The following ADRA1B variants were observed in gnomAD, a reference collection of about 807,000 sequenced individuals.
ADRA1B encodes alpha-1B adrenergic receptor.
Under a neutral mutation model 17.9 loss-of-function variants are expected in ADRA1B, and 17 were observed. The ratio of observed to expected loss-of-function variants is 0.95; its 90% CI spans 0.65 to 1.42. The LOEUF is 1.42. ADRA1B is among the 40% of genes most tolerant of loss of function. ADRA1B has a pLI of 0.00. For synonymous variants in ADRA1B, 366 were observed against 327.6 expected, an observed-to-expected ratio of 1.12 and a Z score of -1.27; for missense variants, 681 against 722.1, an observed-to-expected ratio of 0.94 and a Z score of 0.65.
chr5:159,960,065 A>G (rs1520245), intron 1 of ADRA1B, among the ~76,000 whole-genome samples: 151,738 of 152,296 alleles, frequency 1, 75,591 homozygotes, highest in East Asian at 1. Flanking sequence ...AGGCACCCTC[A>G]TGCCTATTGT....
At chr5:159,925,612 G>C (rs2113181070) in intron 1 of ADRA1B, among the ~76,000 whole-genome samples, 1 of 152,278 alleles carries the variant, frequency 6.6e-6, no homozygotes. Context: ...TTGGCATCGT[G>C]GGCGAGAGAG....
rs1755904486 is a variant in ADRA1B at position 159,972,620 on chromosome 5, G to T, written c.*128G>T. 2.1e-6 allele frequency: 2 copies of T among 960,330 alleles called. 1 individual carries two copies. The highest frequency in any genetic ancestry group is 8.3e-5 in the Admixed American group (2 of 24,240). 59.5% of individuals were successfully genotyped at this position (960,330 alleles called of 1,614,324 possible). Reference sequence around the variant, plus strand: ...GCGCCCCAAGGGGAACCGGGGGGAGGGCCGGGGAGAGGGGCAGCTGCTTTT... The same window carrying T: ...GCGCCCCAAGGGGAACCGGGGGGAGTGCCGGGGAGAGGGGCAGCTGCTTTT... On this transcript the variant is annotated 3_prime_UTR_variant, in exon 2 of 2. Transcript: ENST00000306675.
intron 1 of ADRA1B, among the ~76,000 whole-genome samples, chr5:159,920,232 C>A (rs1324768443): frequency 1.3e-5 from 2 of 152,150 alleles, no homozygotes; most frequent in African/African-American, 4.8e-5. Context: ...TCAGGCCCAG[C>A]ACCCTGGAAG....
At chr5:159,967,334 C>A (rs1755793393) in intron 1 of ADRA1B, among the ~76,000 whole-genome samples, 1 of 152,136 alleles carries the variant, frequency 6.6e-6, no homozygotes. Flanking sequence ...AAAATATGAT[C>A]TGCTTGTATG....
intron 1 of ADRA1B, chr5:159,950,442 G>C: frequency 1.1e-6 from 1 of 928,816 alleles, no homozygotes; most frequent in Non-Finnish European, 1.7e-6. Context: ...CCATCAGTGA[G>C]GGCTTCTCGC....
At chr5:159,948,287 T>C in intron 1 of ADRA1B, 1 of 985,478 alleles carries the variant, frequency 1.0e-6, no homozygotes, top group Non-Finnish European at 1.2e-6. Context: ...TCACACATGC[T>C]ATGCACTGCC....
chr5:159,866,688 G>A (rs1753658021), intron 1 of ADRA1B, among the ~76,000 whole-genome samples: 1 of 152,082 alleles, frequency 6.6e-6, no homozygotes, highest in African/African-American at 2.4e-5. Flanking sequence ...TGCTTTTATG[G>A]GAGAATGTCT....
intron 1 of ADRA1B, among the ~76,000 whole-genome samples, chr5:159,926,273 C>A (rs767094624): frequency 4.6e-5 from 7 of 152,154 alleles, no homozygotes; most frequent in Non-Finnish European, 1.0e-4. Flanking sequence ...TGACACCTTT[C>A]TCGCGAAGTC....
At chr5:159,906,829 C>T (rs191624856) in intron 1 of ADRA1B, among the ~76,000 whole-genome samples, 44 of 152,332 alleles carry the variant, frequency 2.9e-4, no homozygotes, top group African/African-American at 9.9e-4. Context: ...CCCGGCTTGA[C>T]TTGAGAGCTC....
At chr5:159,930,799 A>C (rs1480174087) in intron 1 of ADRA1B, among the ~76,000 whole-genome samples, 2 of 151,892 alleles carry the variant, frequency 1.3e-5, no homozygotes, top group Non-Finnish European at 2.9e-5. Context: ...CACATGGTGC[A>C]ATAAGCAAAT....
At chr5:159,881,314 T>C (rs1581018516) in intron 1 of ADRA1B, among the ~76,000 whole-genome samples, 1 of 151,312 alleles carries the variant, frequency 6.6e-6, no homozygotes, top group East Asian at 1.9e-4. Flanking sequence ...TCTCTCTCTC[T>C]CTCTCTCTCT....
At chr5:159,941,814 C>A (rs956660545) in intron 1 of ADRA1B, among the ~76,000 whole-genome samples, 1 of 151,216 alleles carries the variant, frequency 6.6e-6, no homozygotes, top group Non-Finnish European at 1.5e-5. Flanking sequence ...TCTATTAAAA[C>A]AAAATGTCCA....
intron 1 of ADRA1B, among the ~76,000 whole-genome samples, chr5:159,952,021 T>C (rs539852538): frequency 5.9e-5 from 9 of 152,240 alleles, no homozygotes; most frequent in Admixed American, 5.9e-4. Flanking sequence ...ATTATTACAG[T>C]TTCTCCTGGA....
chr5:159,974,550 C>T (rs1020189934), downstream of ADRA1B, among the ~76,000 whole-genome samples: 8 of 151,450 alleles, frequency 5.3e-5, no homozygotes, highest in African/African-American at 1.5e-4. Flanking sequence ...GCAGGAGAAT[C>T]GCTTGAACCC....
intron 1 of ADRA1B, among the ~76,000 whole-genome samples, chr5:159,878,611 C>T (rs1753826384): frequency 6.6e-6 from 1 of 152,150 alleles, no homozygotes; most frequent in Non-Finnish European, 1.5e-5. Flanking sequence ...TACCATGATT[C>T]CCAAAACATA....
chr5:159,968,089 T>C (rs1263979862), intron 1 of ADRA1B, among the ~76,000 whole-genome samples: 1 of 152,160 alleles, frequency 6.6e-6, no homozygotes, highest in African/African-American at 2.4e-5. Context: ...CTTGTCCTCA[T>C]GCCTAGCACT....
chr5:159,892,511 T>A (rs1214953187), intron 1 of ADRA1B, among the ~76,000 whole-genome samples: 1 of 152,156 alleles, frequency 6.6e-6, no homozygotes. Context: ...CAGGCCCCAG[T>A]GTGTGTTGTT....
chr5:159,899,123 G>T (rs762675851), intron 1 of ADRA1B, among the ~76,000 whole-genome samples: 1 of 151,152 alleles, frequency 6.6e-6, no homozygotes, highest in Non-Finnish European at 1.5e-5. Flanking sequence ...CTCCAGCCTG[G>T]GTGACAAAGT....
rs1238651925 is a variant in ADRA1B, at chr5:159,972,409, G to A, written c.1480G>A (p.Gly494Arg). Residue 494 changes from glycine to arginine, a missense_variant, in exon 2 of 2, where the codon GGA (glycine) becomes AGA (arginine). Gly to Arg is a moderately radical substitution (Grantham distance 125, BLOSUM62 -2). Around this residue, in one of 3 missense-constraint regions of ADRA1B, gnomAD observed 251 missense variants for 224.9 expected, o/e 1.12. Coordinates refer to ENST00000306675, the MANE Select transcript of ADRA1B (RefSeq NM_000679.4). ...CGGGACCGACGGCGGCGCCAGCAAC[G>A]GAGGCTGCGAGGCCGCGGCCGACGT... is the stretch of plus-strand genomic sequence containing the variant. Reference protein sequence around the residue: ...SPGTDGGASNGGCEAAADVAN... With the variant: ...SPGTDGGASNRGCEAAADVAN... 6.6e-7 allele frequency: 1 copy of A among 1,509,404 alleles called. No homozygotes were observed. Among genetic ancestry groups the A allele is most frequent in the Admixed American group, 2.0e-5 (1 of 48,870 alleles). The allele number at this position is 1,509,404 out of a possible 1,614,324, so 93.5% of individuals were successfully genotyped here.
Sources: gnomAD v4.1 joint callset for allele counts (sites outside exome capture counted in the v4.1 genomes callset) on GRCh38, gnomAD v4.1.1 for gene constraint, gnomAD v4.1.1 regional missense constraint, MANE v1.5 for transcripts, NCBI Gene and HGNC (gene_info 2026-07-23, HGNC 2026-07-21) for gene names.